Variants in TAF4B observed in about 807,000 individuals in gnomAD.
The protein encoded by TAF4B is TATA-box binding protein associated factor 4b.
In TAF4B, 38 loss-of-function variants were observed where a neutral mutation model predicts 86.4. The observed-to-expected ratio is 0.44, with a 90% CI of 0.34 to 0.58. TAF4B has a LOEUF of 0.58. TAF4B is among the 20% of genes least tolerant of loss of function. The pLI, the probability that TAF4B is intolerant of heterozygous loss-of-function variation, is 0.02. For synonymous variants in TAF4B, 388 were observed against 391.2 expected, an observed-to-expected ratio of 0.99 and a Z score of 0.10; for missense variants, 988 against 1,027.6, an observed-to-expected ratio of 0.96 and a Z score of 0.53.
intron 13 of TAF4B, chr18:26,348,348 A>C (rs929653293): frequency 7.2e-5 from 11 of 152,546 alleles, no homozygotes; most frequent in South Asian, 2.1e-4. Flanking sequence ...CTTACTAACC[A>C]TCAGGTAATC....
intron 14 of TAF4B, among the ~76,000 whole-genome samples, chr18:26,380,947 TAATC>T (rs1461860103): frequency 6.6e-6 from 1 of 152,232 alleles, no homozygotes; most frequent in Non-Finnish European, 1.5e-5. Flanking sequence ...TCTTTTGAGT[TAATC>T]AAGCACTATT....
intron 13 of TAF4B, among the ~76,000 whole-genome samples, chr18:26,343,801 T>C (rs1378268266): frequency 6.6e-6 from 1 of 152,194 alleles, no homozygotes; most frequent in Non-Finnish European, 1.5e-5. Flanking sequence ...ACATGGATTT[T>C]GGTGTACCTC....
intron 3 of TAF4B, among the ~76,000 whole-genome samples, chr18:26,272,399 C>A (rs116674374): frequency 6.6e-6 from 1 of 152,106 alleles, no homozygotes; most frequent in Non-Finnish European, 1.5e-5. Flanking sequence ...TATACCCGCC[C>A]GCGGCACAGG....
At chr18:26,324,509 A>G (rs1178396930) in intron 11 of TAF4B, among the ~76,000 whole-genome samples, 1 of 152,220 alleles carries the variant, frequency 6.6e-6, no homozygotes, top group African/African-American at 2.4e-5. Flanking sequence ...TATTTATTGA[A>G]TGGCATTCAA....
chr18:26,289,659 CTA>C (rs1288234205), intron 7 of TAF4B, among the ~76,000 whole-genome samples: 1 of 152,040 alleles, frequency 6.6e-6, no homozygotes, highest in Non-Finnish European at 1.5e-5. Context: ...GCTAATTTTT[CTA>C]TGTTTTTAGT....
intron 7 of TAF4B, among the ~76,000 whole-genome samples, chr18:26,290,904 A>C (rs572547420): frequency 1.3e-5 from 2 of 152,334 alleles, no homozygotes; most frequent in East Asian, 3.9e-4. Flanking sequence ...ACTTTGTAAA[A>C]TGTAAGCCTG....
chr18:26,249,713 C>T (rs1471642948), intron 1 of TAF4B, among the ~76,000 whole-genome samples: 1 of 152,028 alleles, frequency 6.6e-6, no homozygotes, highest in Non-Finnish European at 1.5e-5. Flanking sequence ...ATTGTGAACT[C>T]AACACTTTAT....
chr18:26,306,191 AT>A (rs2056792862), intron 9 of TAF4B, among the ~76,000 whole-genome samples: 1 of 152,084 alleles, frequency 6.6e-6, no homozygotes. Context: ...TTAATGTTTA[AT>A]TTTGGGGGGT....
chr18:26,228,595 C>G lies in TAF4B; in HGVS notation c.343+1319C>G, dbSNP rs570874054. On this transcript the variant is annotated intron_variant, in intron 1 of 14. Transcript: ENST00000269142. ...TAATTTGTTAAACTGTAAATCCTGT[C>G]TAGTCACTGAAGTTTGTTTATAAAT... 2.6e-5 allele frequency among the ~76,000 whole-genome samples: 4 copies of G among 151,494 alleles called. No individual in the cohort carries two copies. The South Asian group carries it at 8.4e-4, about 32-fold the overall frequency.
chr18:26,298,849 GCCT>G (rs2056695950), intron 9 of TAF4B, among the ~76,000 whole-genome samples: 1 of 85,668 alleles, frequency 1.2e-5, no homozygotes, highest in African/African-American at 4.8e-5. Flanking sequence ...CCAGCCTATT[GCCT>G]TTTTTTTTTT....
chr18:26,285,222 G>GTTTTTGTTTTTGGTTTTTTTTTTTTT, intron 6 of TAF4B, among the ~76,000 whole-genome samples: 1 of 45,660 alleles, frequency 2.2e-5, no homozygotes, highest in Non-Finnish European at 4.5e-5. Context: ...TTTTTTTTTT[G>GTTTTTGTTTTTGGTTTTTTTTTTTTT]TTTTTTTTTT....
chr18:26,269,872 CT>C (rs2056290962), intron 3 of TAF4B, among the ~76,000 whole-genome samples: 1 of 152,088 alleles, frequency 6.6e-6, no homozygotes, highest in Non-Finnish European at 1.5e-5. Flanking sequence ...GACCTATGTA[CT>C]GATTATCTCA....
intron 3 of TAF4B, among the ~76,000 whole-genome samples, chr18:26,269,092 G>A (rs1454477011): frequency 6.6e-6 from 1 of 152,156 alleles, no homozygotes; most frequent in African/African-American, 2.4e-5. Context: ...AAAGTCCTGG[G>A]ATTACAGGCA....
intron 9 of TAF4B, chr18:26,304,639 C>T: frequency 1.2e-6 from 1 of 814,114 alleles, no homozygotes; most frequent in Non-Finnish European, 1.5e-6. Context: ...ACTTGACTTA[C>T]CCAGGAGTCT....
chr18:26,270,789 T>C (rs115685079), intron 3 of TAF4B, among the ~76,000 whole-genome samples: 1 of 152,220 alleles, frequency 6.6e-6, no homozygotes, highest in Non-Finnish European at 1.5e-5. Flanking sequence ...AAACTAAAAC[T>C]TAGAATTTCT....
intron 14 of TAF4B, among the ~76,000 whole-genome samples, chr18:26,380,177 C>A (rs1001532367): frequency 6.6e-6 from 1 of 152,040 alleles, no homozygotes; most frequent in African/African-American, 2.4e-5. Context: ...GGCTAACTTC[C>A]CCATTACTAT....
intron 3 of TAF4B, among the ~76,000 whole-genome samples, chr18:26,270,367 GCT>G (rs1300877530): frequency 6.6e-6 from 1 of 152,258 alleles, no homozygotes; most frequent in Admixed American, 6.5e-5. Flanking sequence ...CTATTTCTGT[GCT>G]CTCTGAATAT....
At position 26,327,009 on chromosome 18, in the gene TAF4B, T is replaced by C. The variant is rs376150926; in HGVS notation, c.2134-6T>C. 1.9e-5 allele frequency: 30 copies of C among 1,611,166 alleles called. No homozygotes were observed. The highest frequency in any genetic ancestry group is 5.5e-5 in the South Asian group (5 of 90,896). On this transcript the variant is annotated splice_region_variant and splice_polypyrimidine_tract_variant and intron_variant, in intron 11 of 14. Coordinates refer to ENST00000269142, the MANE Select transcript of TAF4B (RefSeq NM_005640.3). ...ATAAGACTTTCTGTTTTCTTTTTTT[T>C]CCCAGGCAAGTGAAAATTACATCCT... is the stretch of plus-strand genomic sequence containing the variant.
chr18:26,280,884 G>T (rs2056440146), intron 5 of TAF4B, among the ~76,000 whole-genome samples: 1 of 152,102 alleles, frequency 6.6e-6, no homozygotes, highest in South Asian at 2.1e-4. Context: ...AAACAGCCAA[G>T]ACATGGAATC....
Sources: gnomAD v4.1 joint callset for allele counts (sites outside exome capture counted in the v4.1 genomes callset) on GRCh38, gnomAD v4.1.1 for gene constraint, MANE v1.5 for transcripts, NCBI Gene and HGNC (gene_info 2026-07-23, HGNC 2026-07-21) for gene names.